PEAK1: variants seen among roughly 807,000 people sequenced by gnomAD.
The protein encoded by PEAK1 is pseudopodium enriched atypical kinase 1, also known as inactive tyrosine-protein kinase PEAK1.
Under a neutral mutation model 124.7 loss-of-function variants are expected in PEAK1, and 54 were observed. The observed-to-expected ratio is 0.43, with a 90% CI of 0.35 to 0.54. The LOEUF is 0.54. Among genes scored for constraint, PEAK1 ranks in the 20% least tolerant of loss-of-function variants. The pLI, the probability that PEAK1 is intolerant of heterozygous loss-of-function variation, is 0.01. For missense variants in PEAK1, 2,046 were observed against 2,134.5 expected (o/e 0.96, Z 0.82); for synonymous variants, 719 against 760.0 (o/e 0.95, Z 0.89).
At chr15:77,221,809 G>A (rs1165629770) in intron 6 of PEAK1, among the ~76,000 whole-genome samples, 2 of 152,084 alleles carry the variant, frequency 1.3e-5, no homozygotes, top group Non-Finnish European at 2.9e-5. Context: ...TAATCTGCAG[G>A]AATTTTGGGC....
At chr15:77,277,235 C>G (rs1470487920) in intron 5 of PEAK1, among the ~76,000 whole-genome samples, 4 of 152,128 alleles carry the variant, frequency 2.6e-5, no homozygotes, top group Admixed American at 6.6e-5. Flanking sequence ...AGATTTTATA[C>G]TACATGATTC....
At chr15:77,364,559 T>C (rs781335903) in intron 2 of PEAK1, among the ~76,000 whole-genome samples, 5 of 152,160 alleles carry the variant, frequency 3.3e-5, no homozygotes, top group Admixed American at 6.5e-5. Context: ...CAACGATGTA[T>C]TTGGAAAAAT....
At chr15:77,285,395 A>T (rs553516673) in intron 3 of PEAK1, among the ~76,000 whole-genome samples, 1 of 152,348 alleles carries the variant, frequency 6.6e-6, no homozygotes, top group Admixed American at 6.5e-5. Context: ...AAAGTAAATG[A>T]AATAAATTCC....
At chr15:77,175,125 G>A (rs1262459652) in intron 7 of PEAK1, among the ~76,000 whole-genome samples, 7 of 151,980 alleles carry the variant, frequency 4.6e-5, no homozygotes, top group East Asian at 1.9e-4. Context: ...AGACTTAAAC[G>A]TTAGATCTAA....
intron 2 of PEAK1, among the ~76,000 whole-genome samples, chr15:77,316,022 T>C (rs1235982377): frequency 6.6e-6 from 1 of 152,112 alleles, no homozygotes; most frequent in African/African-American, 2.4e-5. Context: ...AGGGTACGTG[T>C]GTATTGGGGG....
chr15:77,366,482 AATATT>A (rs2068248303), intron 1 of PEAK1, among the ~76,000 whole-genome samples: 1 of 151,962 alleles, frequency 6.6e-6, no homozygotes, highest in Non-Finnish European at 1.5e-5. Context: ...AATAATATAT[AATATT>A]ATAATAATGT....
At position 77,114,938 on chromosome 15, in the gene PEAK1, C is replaced by T. The variant is rs199924130; in HGVS notation, c.4459G>A (p.Asp1487Asn). 340 of 1,614,080 alleles carry T rather than the reference C, an allele frequency of 2.1e-4. 1 individual carries two copies. The East Asian group carries it at 7.4e-3, about 35-fold the overall frequency. ...DSLAQHGKSP[D>N]LYERQVCLLL... Reference sequence around the variant, plus strand: ...AGACACACCTGCCTCTCATACAAATCAGGGCTTTTCCCATGCTGGGCCAGA... The same window carrying T: ...AGACACACCTGCCTCTCATACAAATTAGGGCTTTTCCCATGCTGGGCCAGA... Residue 1487 changes from aspartate (D) to asparagine (N), a missense_variant, in exon 10 of 10, where the codon GAT becomes AAT. Coordinates refer to ENST00000682557, the MANE Select transcript of PEAK1 (RefSeq NM_001385026.1).
At chr15:77,266,468 A>G (rs1396941466) in intron 5 of PEAK1, among the ~76,000 whole-genome samples, 3 of 152,140 alleles carry the variant, frequency 2.0e-5, no homozygotes, top group African/African-American at 7.2e-5. Context: ...GACAGTAATG[A>G]GGCAACATCC....
At chr15:77,347,123 T>C in intron 2 of PEAK1, 1 of 740,060 alleles carries the variant, frequency 1.4e-6, no homozygotes, top group Non-Finnish European at 1.7e-6. Context: ...GGAATAAACT[T>C]GGTATATTCA....
chr15:77,370,278 T>C (rs2068549168), intron 1 of PEAK1, among the ~76,000 whole-genome samples: 1 of 152,202 alleles, frequency 6.6e-6, no homozygotes, highest in African/African-American at 2.4e-5. Context: ...ACATCCATGA[T>C]ACCTTTGGAA....
intron 2 of PEAK1, chr15:77,347,725 C>T: frequency 1.0e-6 from 1 of 973,474 alleles, no homozygotes; most frequent in African/African-American, 1.8e-5. Context: ...ATGTTTAAAA[C>T]TCTTCCTAGG....
chr15:77,269,306 G>C (rs2061904614), intron 5 of PEAK1, among the ~76,000 whole-genome samples: 1 of 152,106 alleles, frequency 6.6e-6, no homozygotes. Flanking sequence ...ATAAAGCTAA[G>C]GTAACAGGGT....
At chr15:77,226,044 GATATATATATATATATATATATATATAT>G (rs1157824212) in intron 6 of PEAK1, among the ~76,000 whole-genome samples, 27 of 44,988 alleles carry the variant, frequency 6.0e-4, no homozygotes, top group African/African-American at 1.4e-3. Context: ...AAAATAAAGG[GATATATATATATATATATATATATATAT>G]ATATATATAT....
At chr15:77,323,037 T>C (rs2153021022) in intron 2 of PEAK1, among the ~76,000 whole-genome samples, 1 of 152,194 alleles carries the variant, frequency 6.6e-6, no homozygotes, top group South Asian at 2.1e-4. Context: ...AAAAACCACA[T>C]GATTATCTCA....
chr15:77,361,617 A>G (rs2067891708), intron 2 of PEAK1, among the ~76,000 whole-genome samples: 1 of 152,224 alleles, frequency 6.6e-6, no homozygotes, highest in Non-Finnish European at 1.5e-5. Context: ...ACTCTTATAT[A>G]CTGCTGATGG....
rs1438935595 is a variant in PEAK1, at chr15:77,393,671, AGGCATGACC to A, written c.-666+26326_-666+26334del. On this transcript the variant is annotated intron_variant, in intron 1 of 9. Coordinates refer to ENST00000682557, the MANE Select transcript of PEAK1 (RefSeq NM_001385026.1). ...AGGGCCTTGGGTGAGACTTGGCTTC[AGGCATGACC>A]TAACACCTCATACATTCCCAGCTGT... Among the ~76,000 whole-genome samples, 3 of 152,182 alleles carry A rather than the reference AGGCATGACC, an allele frequency of 2.0e-5. No homozygotes were observed. In the East Asian group the frequency reaches 5.8e-4, roughly 29 times the overall value.
chr15:77,102,152 T>TA (rs2050700171), exon 7 of PEAK1: 1 of 152,202 alleles, frequency 6.6e-6, no homozygotes, highest in Admixed American at 6.5e-5. Flanking sequence ...AAAAAGCTGT[T>TA]AAAATTTTTT....
At chr15:77,347,970 T>C in intron 2 of PEAK1, 1 of 985,152 alleles carries the variant, frequency 1.0e-6, no homozygotes, top group Non-Finnish European at 1.2e-6. Flanking sequence ...ACTGTATAGG[T>C]TGCATAATGC....
chr15:77,305,217 G>A, intron 2 of PEAK1, among the ~76,000 whole-genome samples: 1 of 131,616 alleles, frequency 7.6e-6, no homozygotes, highest in Middle Eastern at 3.7e-3. Context: ...GAGGGAGGGA[G>A]GGTGGGTGGG....
Sources: allele counts gnomAD v4.1 joint callset (sites outside exome capture counted in the v4.1 genomes callset), GRCh38; gene constraint gnomAD v4.1.1; transcripts MANE v1.5; gene names NCBI Gene and HGNC (gene_info 2026-07-23, HGNC 2026-07-21).